Variants in CNTN3 observed in about 807,000 individuals in gnomAD.
CNTN3 encodes the protein contactin 3.
CNTN3 carries 60 observed loss-of-function variants against 119.1 expected under a neutral mutation model. That is an observed-to-expected ratio of 0.50 (90% CI 0.41 to 0.62). The LOEUF is 0.62. Among genes scored for constraint, CNTN3 ranks in the 20% least tolerant of loss-of-function variants. The probability of loss-of-function intolerance (pLI) is 0.00; values close to 1 mark genes in which losing one functional copy is unlikely to be tolerated. For synonymous variants in CNTN3, 450 were observed against 438.7 expected (o/e 1.03, Z -0.32); for missense variants, 1,101 against 1,242.4 (o/e 0.89, Z 1.71).
chr3:74,544,581 T>A (rs1280516348), intron 1 of CNTN3, among the ~76,000 whole-genome samples: 1 of 151,936 alleles, frequency 6.6e-6, no homozygotes, highest in East Asian at 2.0e-4. Flanking sequence ...GTATCCTAGA[T>A]GAAACTCTTT....
chr3:74,341,758 T>G (rs1379421441), intron 11 of CNTN3, among the ~76,000 whole-genome samples: 3 of 152,174 alleles, frequency 2.0e-5, no homozygotes, highest in Admixed American at 6.6e-5. Flanking sequence ...AACATTGACC[T>G]GTACTTTATG....
intron 4 of CNTN3, among the ~76,000 whole-genome samples, chr3:74,439,850 CTAAT>C (rs1390986921): frequency 2.6e-5 from 4 of 152,294 alleles, no homozygotes; most frequent in East Asian, 1.9e-4. Flanking sequence ...TTCAACAACT[CTAAT>C]TAAGTGCCTA....
At chr3:74,282,578 T>C (rs1003988496) in intron 20 of CNTN3, among the ~76,000 whole-genome samples, 3 of 152,146 alleles carry the variant, frequency 2.0e-5, no homozygotes, top group African/African-American at 4.8e-5. Flanking sequence ...TTAGAATCCA[T>C]AGGGGAAGAG....
intron 11 of CNTN3, among the ~76,000 whole-genome samples, 200 bp downstream of exon 11, chr3:74,361,690 T>G (rs1324946935): frequency 6.6e-6 from 1 of 152,184 alleles, no homozygotes; most frequent in South Asian, 2.1e-4. Context: ...ACCTTGGATA[T>G]ATTTTCTGTG....
rs531204669 is a variant in CNTN3 at position 74,382,308 on chromosome 3, CA to C, written c.455-10910del. On this transcript the variant is annotated intron_variant, in intron 5 of 22. Coordinates refer to ENST00000263665, the MANE Select transcript of CNTN3 (RefSeq NM_020872.3). ...GATGTTTTGGTATATGTATACAATG[CA>C]AAATGCTTAAATCAAGTTAATTAAC... is the stretch of plus-strand genomic sequence containing the variant. 3.2e-4 allele frequency among the ~76,000 whole-genome samples: 48 copies of C among 152,210 alleles called. No individual in the cohort carries two copies. In the East Asian group the frequency reaches 7.5e-3, roughly 24 times the overall value.
intron 18 of CNTN3, among the ~76,000 whole-genome samples, chr3:74,296,646 A>G (rs114242229): frequency 0.011 from 1,641 of 152,324 alleles, 14 homozygotes; most frequent in Middle Eastern, 0.02. Flanking sequence ...AGACACTGAT[A>G]TATTTCGTGA....
chr3:74,452,959 A>T, intron 4 of CNTN3, among the ~76,000 whole-genome samples: 1 of 151,060 alleles, frequency 6.6e-6, no homozygotes. Context: ...TTCATCAAGG[A>T]TATTGGTCTA....
intron 4 of CNTN3, among the ~76,000 whole-genome samples, chr3:74,468,987 T>A (rs577165418): frequency 2.0e-5 from 3 of 152,200 alleles, no homozygotes; most frequent in Non-Finnish European, 4.4e-5. Flanking sequence ...TATACTGTGA[T>A]ACTTGGGAAA....
chr3:74,589,364 C>A (rs1482702279), intron 1 of CNTN3, among the ~76,000 whole-genome samples: 1 of 148,736 alleles, frequency 6.7e-6, no homozygotes, highest in Non-Finnish European at 1.5e-5. Context: ...AAATGCTCAT[C>A]ATCACTGGCC....
At chr3:74,520,349 T>C (rs1322067611) in intron 2 of CNTN3, among the ~76,000 whole-genome samples, 4 of 151,562 alleles carry the variant, frequency 2.6e-5, no homozygotes, top group Admixed American at 2.6e-4. Flanking sequence ...TTCATTGTAT[T>C]ATTGTTTCAG....
At position 74,526,242 on chromosome 3, in the gene CNTN3, C is replaced by T. The variant is rs116443578; in HGVS notation, c.-80-5050G>A. ...CCAAAAAAAAACTTGAGCAGCTTAC[C>T]GACATTTATTATAGTAAAATATTCA... On this transcript the variant is annotated intron_variant, in intron 1 of 22. Coordinates refer to ENST00000263665, the MANE Select transcript of CNTN3 (RefSeq NM_020872.3). Among the ~76,000 whole-genome samples the T allele has an allele frequency of 3.3e-5, 5 of 151,464 alleles. 1 individual carries two copies. In the South Asian group the frequency reaches 6.2e-4, roughly 19 times the overall value.
chr3:74,591,987 A>T (rs1704710565), intron 1 of CNTN3, among the ~76,000 whole-genome samples: 1 of 151,924 alleles, frequency 6.6e-6, no homozygotes, highest in South Asian at 2.1e-4. Context: ...GGCTCAGAAA[A>T]AATCTACCAG....
intron 19 of CNTN3, among the ~76,000 whole-genome samples, chr3:74,289,158 A>G (rs779031691): frequency 1.3e-5 from 2 of 152,216 alleles, no homozygotes; most frequent in Admixed American, 6.5e-5. Flanking sequence ...TAATTTTTAA[A>G]TCATTACTGA....
At chr3:74,362,901 A>G (rs1332665080) in intron 10 of CNTN3, among the ~76,000 whole-genome samples, 1 of 152,218 alleles carries the variant, frequency 6.6e-6, no homozygotes, top group Non-Finnish European at 1.5e-5. Flanking sequence ...TAAAGAAAAC[A>G]TGGTATCCAG....
At chr3:74,408,755 C>T (rs772246315) in intron 5 of CNTN3, among the ~76,000 whole-genome samples, 1 of 152,050 alleles carries the variant, frequency 6.6e-6, no homozygotes, top group Non-Finnish European at 1.5e-5. Flanking sequence ...AGTAATTACC[C>T]TACAGGAGGT....
At position 74,584,078 on chromosome 3, in the gene CNTN3, T is replaced by C. The variant is rs149447702; in HGVS notation, c.-81+30313A>G. On this transcript the variant is annotated intron_variant, in intron 1 of 22. Transcript: ENST00000263665. Reference sequence around the variant, plus strand: ...TAGCAATATCACAATATATTGATAATAGTAATCACAGCAAAGCTAATATTA... The same window carrying C: ...TAGCAATATCACAATATATTGATAACAGTAATCACAGCAAAGCTAATATTA... 1.4e-3 allele frequency among the ~76,000 whole-genome samples: 214 copies of C among 152,320 alleles called. 1 individual carries two copies. Among genetic ancestry groups the C allele is most frequent in the Middle Eastern group, 3.4e-3 (1 of 294 alleles).
intron 1 of CNTN3, among the ~76,000 whole-genome samples, chr3:74,568,282 G>A (rs1704257635): frequency 6.6e-6 from 1 of 152,186 alleles, no homozygotes; most frequent in Admixed American, 6.5e-5. Context: ...CCATATGTAT[G>A]CACATGAATG....
At chr3:74,531,967 T>C (rs936617202) in intron 1 of CNTN3, among the ~76,000 whole-genome samples, 7 of 151,632 alleles carry the variant, frequency 4.6e-5, no homozygotes, top group African/African-American at 1.2e-4. Flanking sequence ...TTTAATGGCA[T>C]GTAAACTTTA....
At chr3:74,486,357 T>TA (rs1193422148) in intron 4 of CNTN3, 99 bp downstream of exon 4, 94 of 1,075,548 alleles carry the variant, frequency 8.7e-5, no homozygotes, top group Admixed American at 1.3e-4. Flanking sequence ...ACTGAATTAA[T>TA]AAAACCCATG....
Sources: allele counts gnomAD v4.1 joint callset (sites outside exome capture counted in the v4.1 genomes callset), GRCh38; gene constraint gnomAD v4.1.1; transcripts MANE v1.5; gene names NCBI Gene and HGNC (gene_info 2026-07-23, HGNC 2026-07-21).